Variants in WDPCP observed in about 807,000 individuals in gnomAD.
WDPCP encodes the protein WD repeat containing planar cell polarity effector.
A neutral mutation model predicts 93.1 loss-of-function variants in WDPCP; 71 were observed. The ratio of observed to expected loss-of-function variants is 0.76; its 90% CI spans 0.63 to 0.93. The LOEUF (loss-of-function observed/expected upper bound fraction) is 0.93. Ranked by LOEUF, WDPCP falls within the 40% of genes least tolerant of loss-of-function variation. WDPCP has a pLI of 0.00. For missense variants in WDPCP, 844 were observed against 887.4 expected, an observed-to-expected ratio of 0.95 and a Z score of 0.62; for synonymous variants, 315 against 315.0, an observed-to-expected ratio of 1.00 and a Z score of 0.00.
At chr2:63,754,273 T>G (rs1575765077) in intron 2 of WDPCP, among the ~76,000 whole-genome samples, 1 of 152,182 alleles carries the variant, frequency 6.6e-6, no homozygotes. Flanking sequence ...CCACCACTCA[T>G]AGGACCTTGG....
chr2:63,798,983 G>C (rs1489178940), intron 2 of WDPCP, among the ~76,000 whole-genome samples: 1 of 152,138 alleles, frequency 6.6e-6, no homozygotes, highest in Admixed American at 6.5e-5. Flanking sequence ...ATTTTGGTAG[G>C]TTATCAGTGT....
intron 1 of WDPCP, among the ~76,000 whole-genome samples, chr2:63,555,788 CAGAA>C (rs559079478): frequency 1.3e-3 from 194 of 152,120 alleles, no homozygotes; most frequent in Non-Finnish European, 2.1e-3. Flanking sequence ...GAAAAACAAA[CAGAA>C]AGGAACAACA....
chr2:63,281,612 G>GAT (rs573111474), intron 13 of WDPCP, among the ~76,000 whole-genome samples: 150 of 152,142 alleles, frequency 9.9e-4, no homozygotes, highest in Middle Eastern at 3.4e-3. Flanking sequence ...AAGAAAATGT[G>GAT]ATATATATAT....
chr2:63,320,026 T>TA (rs140221281), intron 12 of WDPCP, among the ~76,000 whole-genome samples: 90 of 152,124 alleles, frequency 5.9e-4, no homozygotes, highest in Middle Eastern at 3.4e-3. Context: ...GCTAATACTA[T>TA]AAAAAAACTT....
At chr2:63,242,595 C>T (rs987143944) in intron 14 of WDPCP, among the ~76,000 whole-genome samples, 3 of 152,104 alleles carry the variant, frequency 2.0e-5, no homozygotes, top group African/African-American at 4.8e-5. Flanking sequence ...GCACTCTAGC[C>T]GTGGCAACAG....
At chr2:63,582,319 A>T (rs1393758292) in intron 1 of WDPCP, among the ~76,000 whole-genome samples, 1 of 152,152 alleles carries the variant, frequency 6.6e-6, no homozygotes, top group African/African-American at 2.4e-5. Flanking sequence ...GCAAAATAAA[A>T]AACTGGTGTC....
intron 1 of WDPCP, among the ~76,000 whole-genome samples, chr2:63,534,662 G>A (rs907327948): frequency 3.9e-5 from 6 of 152,032 alleles, no homozygotes; most frequent in East Asian, 1.9e-4. Context: ...ATTCAACAGC[G>A]CTTCATGCTA....
At chr2:63,661,546 C>T (rs1037891732) in intron 2 of WDPCP, among the ~76,000 whole-genome samples, 1 of 152,126 alleles carries the variant, frequency 6.6e-6, no homozygotes, top group Non-Finnish European at 1.5e-5. Context: ...AACATACTTG[C>T]TGTAATTATT....
At chr2:63,710,483 C>G in intron 2 of WDPCP, among the ~76,000 whole-genome samples, 1 of 152,224 alleles carries the variant, frequency 6.6e-6, no homozygotes, top group South Asian at 2.1e-4. Context: ...GCCTTGTAAA[C>G]AGTGCCTTGA....
chr2:63,618,028 TTA>T (rs1709691296), intron 3 of WDPCP, among the ~76,000 whole-genome samples: 1 of 152,220 alleles, frequency 6.6e-6, no homozygotes, highest in African/African-American at 2.4e-5. Flanking sequence ...TTGTTTTCTC[TTA>T]TGTTTTTTTT....
chr2:63,277,224 A>C (rs1219665283), intron 13 of WDPCP, among the ~76,000 whole-genome samples: 2 of 152,292 alleles, frequency 1.3e-5, no homozygotes, highest in Non-Finnish European at 2.9e-5. Flanking sequence ...ACTGCTAAAA[A>C]AAAAAGCTAA....
At chr2:63,576,106 C>T (rs1463468626) in intron 1 of WDPCP, among the ~76,000 whole-genome samples, 6 of 152,194 alleles carry the variant, frequency 3.9e-5, no homozygotes, top group Non-Finnish European at 5.9e-5. Flanking sequence ...GTGCATTTCT[C>T]TGCACACTAT....
intron 15 of WDPCP, among the ~76,000 whole-genome samples, chr2:63,158,973 C>CAAA (rs34001322): frequency 2.3e-4 from 14 of 61,136 alleles, no homozygotes; most frequent in African/African-American, 5.2e-4. Context: ...CTCATCTCTA[C>CAAA]AAAAAAAAAA....
At chr2:63,152,407 T>G (rs910237614) in intron 17 of WDPCP, among the ~76,000 whole-genome samples, 1 of 151,966 alleles carries the variant, frequency 6.6e-6, no homozygotes, top group Non-Finnish European at 1.5e-5. Flanking sequence ...CCCAAGCAGC[T>G]GGGATTACAG....
At chr2:63,809,268 C>T (rs1464952932) in intron 2 of WDPCP, among the ~76,000 whole-genome samples, 15 of 149,272 alleles carry the variant, frequency 1.0e-4, no homozygotes, top group South Asian at 4.3e-4. Flanking sequence ...CCCAGCCAGC[C>T]GCCCCATCCG....
chr2:63,354,604 A>G (rs1227857928), intron 12 of WDPCP, among the ~76,000 whole-genome samples: 1 of 152,144 alleles, frequency 6.6e-6, no homozygotes, highest in Non-Finnish European at 1.5e-5. Flanking sequence ...CCAAAGCTTC[A>G]ACATTAAAAA....
At chr2:63,756,080 G>A (rs1440575137) in intron 2 of WDPCP, among the ~76,000 whole-genome samples, 2 of 152,168 alleles carry the variant, frequency 1.3e-5, no homozygotes, top group African/African-American at 4.8e-5. Context: ...GTGAAAAATA[G>A]TTTTCTTCCT....
At chr2:63,401,954 C>T (rs1019198200) in intron 10 of WDPCP, among the ~76,000 whole-genome samples, 19 of 152,048 alleles carry the variant, frequency 1.2e-4, no homozygotes, top group African/African-American at 4.4e-4. Context: ...ACCATGTTAC[C>T]CAGCAATCCC....
chr2:63,452,432 G>A (rs557764575), intron 6 of WDPCP, among the ~76,000 whole-genome samples: 87 of 152,222 alleles, frequency 5.7e-4, no homozygotes, highest in African/African-American at 2.0e-3. Flanking sequence ...ACTACTCAAC[G>A]AAATAAAAGA....
Sources: gnomAD v4.1 joint callset for allele counts (sites outside exome capture counted in the v4.1 genomes callset) on GRCh38, gnomAD v4.1.1 for gene constraint, MANE v1.5 for transcripts, NCBI Gene and HGNC (gene_info 2026-07-23, HGNC 2026-07-21) for gene names.